The following RARB variants were observed in gnomAD, a reference collection of about 807,000 sequenced individuals.
RARB encodes the protein HBV-activated protein.
In RARB, 17 loss-of-function variants were observed where a neutral mutation model predicts 51.9. The observed-to-expected ratio is 0.33, with a 90% CI of 0.22 to 0.49. The LOEUF is 0.49. Ranked by LOEUF, RARB falls within the 20% of genes least tolerant of loss-of-function variation. RARB has a pLI of 0.99. For synonymous variants in RARB, 215 were observed against 195.4 expected (o/e 1.10, Z -0.84); for missense variants, 369 against 550.8 (o/e 0.67, Z 3.30).
intron 2 of RARB, among the ~76,000 whole-genome samples, chr3:24,884,322 A>G (rs1703230936): frequency 2.0e-5 from 3 of 152,186 alleles, no homozygotes; most frequent in African/African-American, 7.2e-5. Flanking sequence ...TATTACACTG[A>G]AATATGAAAG....
At chr3:25,000,694 C>G (rs939711421) in intron 2 of RARB, among the ~76,000 whole-genome samples, 2 of 152,092 alleles carry the variant, frequency 1.3e-5, no homozygotes, top group African/African-American at 4.8e-5. Flanking sequence ...TTCTTTCATT[C>G]ATCATCTGAG....
intron 2 of RARB, among the ~76,000 whole-genome samples, chr3:24,928,155 T>C (rs1171128737): frequency 6.6e-6 from 1 of 152,030 alleles, no homozygotes; most frequent in Non-Finnish European, 1.5e-5. Flanking sequence ...TTTATGCCAT[T>C]GGAAGTCAGC....
At chr3:25,336,480 A>G (rs1705066548) in intron 5 of RARB, among the ~76,000 whole-genome samples, 1 of 152,208 alleles carries the variant, frequency 6.6e-6, no homozygotes, top group Non-Finnish European at 1.5e-5. Flanking sequence ...ATTATTCCTT[A>G]GTAGATTTTA....
chr3:25,238,200 A>G (rs1376973173), intron 5 of RARB, among the ~76,000 whole-genome samples: 1 of 150,830 alleles, frequency 6.6e-6, no homozygotes, highest in Non-Finnish European at 1.5e-5. Context: ...TCTACTCTCT[A>G]CCTTTATGAG....
chr3:25,290,398 C>CT (rs1269183422), intron 5 of RARB, among the ~76,000 whole-genome samples: 2 of 152,130 alleles, frequency 1.3e-5, no homozygotes, highest in Non-Finnish European at 2.9e-5. Context: ...AGCAACCCTC[C>CT]TGGCACCTTG....
intron 2 of RARB, among the ~76,000 whole-genome samples, chr3:24,960,448 C>G (rs1204953830): frequency 6.6e-6 from 1 of 152,134 alleles, no homozygotes. Context: ...CCATTCTTTT[C>G]AATTGAGCAG....
chr3:25,593,444 G>A (rs1701692430), intron 5 of RARB, 59 bp from the exon 6 acceptor site: 20 of 1,473,360 alleles, frequency 1.4e-5, no homozygotes, highest in Non-Finnish European at 1.9e-5. Context: ...GCTTACATCT[G>A]ATTGATGATT....
At chr3:25,047,220 A>C (rs578088179) in intron 2 of RARB, among the ~76,000 whole-genome samples, 3 of 152,348 alleles carry the variant, frequency 2.0e-5, no homozygotes, top group African/African-American at 7.2e-5. Flanking sequence ...GAAAATAATA[A>C]AACTATTTTG....
At chr3:25,361,591 T>C (rs1705935483) in intron 5 of RARB, among the ~76,000 whole-genome samples, 2 of 152,226 alleles carry the variant, frequency 1.3e-5, no homozygotes, top group Non-Finnish European at 2.9e-5. Flanking sequence ...CAGCCTTTTT[T>C]TGCCAGTTTT....
intron 3 of RARB, among the ~76,000 whole-genome samples, chr3:25,063,722 TTTTAAAAAGATGAGG>T (rs925565604): frequency 1.3e-5 from 2 of 151,412 alleles, no homozygotes; most frequent in African/African-American, 4.9e-5. Context: ...TTTTTTTTTT[TTTTAAAAAGATGAGG>T]AAACAGACCT....
At chr3:25,530,397 A>G (rs942475103) in intron 3 of RARB, among the ~76,000 whole-genome samples, 3 of 152,220 alleles carry the variant, frequency 2.0e-5, no homozygotes, top group Admixed American at 6.5e-5. Context: ...CAAGTTTACT[A>G]TCTTGTAGTT....
chr3:25,584,171 TCTC>T (rs146021112), intron 5 of RARB, among the ~76,000 whole-genome samples: 2,028 of 152,182 alleles, frequency 0.013, 32 homozygotes, highest in African/African-American at 0.046. Context: ...CTCCCATCCT[TCTC>T]TTCTTCCTTC....
chr3:24,908,107 T>C (rs935205645), intron 2 of RARB, among the ~76,000 whole-genome samples: 1 of 152,142 alleles, frequency 6.6e-6, no homozygotes, highest in African/African-American at 2.4e-5. Flanking sequence ...GTACCAAGCA[T>C]TATATCTGTA....
chr3:24,901,613 T>C (rs11129171), intron 2 of RARB, among the ~76,000 whole-genome samples: 51,149 of 152,116 alleles, frequency 0.34, 10,886 homozygotes, highest in Non-Finnish European at 0.46. Context: ...TAAAAACATA[T>C]AAAAATACAG....
At chr3:25,380,003 G>T (rs539431972) in intron 5 of RARB, among the ~76,000 whole-genome samples, 1 of 152,208 alleles carries the variant, frequency 6.6e-6, no homozygotes, top group Non-Finnish European at 1.5e-5. Flanking sequence ...TGTGTAAGCT[G>T]CATGACTGGA....
chr3:25,241,351 A>G (rs181104369), intron 5 of RARB, among the ~76,000 whole-genome samples: 2 of 152,268 alleles, frequency 1.3e-5, no homozygotes, highest in East Asian at 3.9e-4. Flanking sequence ...TCTGGGATAC[A>G]TGTGCAGAAC....
intron 3 of RARB, among the ~76,000 whole-genome samples, chr3:25,070,452 C>T (rs1011211155): frequency 1.3e-5 from 2 of 152,118 alleles, no homozygotes; most frequent in South Asian, 2.1e-4. Flanking sequence ...TAATTCAGTT[C>T]AATAAGCACT....
intron 5 of RARB, among the ~76,000 whole-genome samples, chr3:25,373,663 T>C (rs140276511): frequency 7.2e-5 from 11 of 152,332 alleles, no homozygotes; most frequent in African/African-American, 2.4e-4. Flanking sequence ...TACTGTTGTG[T>C]ATTCTTCTAC....
chr3:25,296,158 A>C (rs1703910012), intron 5 of RARB, among the ~76,000 whole-genome samples: 1 of 152,210 alleles, frequency 6.6e-6, no homozygotes, highest in Non-Finnish European at 1.5e-5. Context: ...GAGCCTTGAA[A>C]GAAGAAACTT....
Sources: allele counts gnomAD v4.1 joint callset (sites outside exome capture counted in the v4.1 genomes callset), GRCh38; gene constraint gnomAD v4.1.1; transcripts MANE v1.5; gene names NCBI Gene and HGNC (gene_info 2026-07-23, HGNC 2026-07-21).